The following SLC41A2 variants were observed in gnomAD, a reference collection of about 807,000 sequenced individuals.
SLC41A2 encodes the protein solute carrier family 41 member 2.
A neutral mutation model predicts 58.3 loss-of-function variants in SLC41A2; 32 were observed. The ratio of observed to expected loss-of-function variants is 0.55; its 90% CI spans 0.41 to 0.74. The LOEUF (loss-of-function observed/expected upper bound fraction) is 0.74. Among genes scored for constraint, SLC41A2 ranks in the 30% least tolerant of loss-of-function variants. SLC41A2 has a pLI of 0.00. For missense variants in SLC41A2, 514 were observed against 680.6 expected (o/e 0.76, Z 2.72); for synonymous variants, 190 against 235.0 (o/e 0.81, Z 1.75).
chr12:104,956,632 T>C (rs1593205709), intron 1 of SLC41A2, among the ~76,000 whole-genome samples: 1 of 152,114 alleles, frequency 6.6e-6, no homozygotes, highest in African/African-American at 2.4e-5. Context: ...TGAGCCAAGA[T>C]TGTGCCACTG....
intron 3 of SLC41A2, among the ~76,000 whole-genome samples, chr12:104,904,416 G>C (rs1361462625): frequency 3.3e-5 from 5 of 152,020 alleles, no homozygotes; most frequent in African/African-American, 4.8e-5. Flanking sequence ...AAAGCCTCTC[G>C]GATTGAGTTC....
chr12:104,819,092 G>A (rs1488381664), intron 10 of SLC41A2, among the ~76,000 whole-genome samples: 1 of 150,974 alleles, frequency 6.6e-6, no homozygotes, highest in Non-Finnish European at 1.5e-5. Flanking sequence ...TTTTTCAAAC[G>A]CATAGGTAAT....
chr12:104,827,292 C>T (rs1441453209), intron 10 of SLC41A2, among the ~76,000 whole-genome samples: 1 of 152,152 alleles, frequency 6.6e-6, no homozygotes, highest in African/African-American at 2.4e-5. Flanking sequence ...CTTTAGAGAA[C>T]CTCCTTAAAG....
chr12:104,934,986 T>A (rs1443119851), intron 1 of SLC41A2, among the ~76,000 whole-genome samples: 1 of 152,148 alleles, frequency 6.6e-6, no homozygotes, highest in Non-Finnish European at 1.5e-5. Flanking sequence ...AGATAGAGTT[T>A]CGTTCTTGTT....
chr12:104,952,756 C>T (rs2048003186), intron 1 of SLC41A2, among the ~76,000 whole-genome samples: 1 of 152,110 alleles, frequency 6.6e-6, no homozygotes, highest in Admixed American at 6.5e-5. Context: ...CTAGTAGGTG[C>T]CTGCAGTTAA....
chr12:104,807,995 A>C (rs1023644208), intron 10 of SLC41A2, among the ~76,000 whole-genome samples: 11 of 152,220 alleles, frequency 7.2e-5, no homozygotes, highest in African/African-American at 2.7e-4. Context: ...TAGATATACA[A>C]TCATGTCATC....
At chr12:104,908,236 G>A (rs2045935460) in intron 3 of SLC41A2, among the ~76,000 whole-genome samples, 1 of 152,210 alleles carries the variant, frequency 6.6e-6, no homozygotes, top group Non-Finnish European at 1.5e-5. Flanking sequence ...CTGTACTCCA[G>A]TCTGGGCAAC....
intron 2 of SLC41A2, among the ~76,000 whole-genome samples, chr12:104,916,511 G>A (rs1252543798): frequency 2.0e-5 from 3 of 152,084 alleles, no homozygotes; most frequent in Non-Finnish European, 2.9e-5. Context: ...AGCCCGCATC[G>A]CCAAGTCAAT....
At chr12:104,828,446 T>C (rs182873448) in intron 10 of SLC41A2, among the ~76,000 whole-genome samples, 1 of 152,042 alleles carries the variant, frequency 6.6e-6, no homozygotes. Context: ...AAGGCAGGAG[T>C]CTAACTGAGC....
intron 8 of SLC41A2, among the ~76,000 whole-genome samples, chr12:104,858,748 G>A (rs1034649020): frequency 1.3e-5 from 2 of 152,080 alleles, no homozygotes; most frequent in Non-Finnish European, 2.9e-5. Flanking sequence ...ATGAGCTCAA[G>A]CGATCCACCT....
At chr12:104,883,260 T>G (rs147195980) in intron 6 of SLC41A2, among the ~76,000 whole-genome samples, 2,919 of 152,330 alleles carry the variant, frequency 0.019, 32 homozygotes, top group African/African-American at 0.036. Context: ...TGCAATGGGT[T>G]TGAACATCCT....
At chr12:104,893,443 C>T (rs549132752) in intron 4 of SLC41A2, among the ~76,000 whole-genome samples, 9 of 152,082 alleles carry the variant, frequency 5.9e-5, no homozygotes, top group East Asian at 3.9e-4. Flanking sequence ...GGGAACAGTT[C>T]GGAAGTTCCT....
intron 5 of SLC41A2, among the ~76,000 whole-genome samples, chr12:104,887,848 AGTTTC>A (rs1237636848): frequency 6.6e-6 from 1 of 152,032 alleles, no homozygotes; most frequent in Non-Finnish European, 1.5e-5. Context: ...TATGGCTAAG[AGTTTC>A]TACTTTACAT....
chr12:104,946,231 A>C (rs1166262141), intron 1 of SLC41A2, among the ~76,000 whole-genome samples: 4 of 152,134 alleles, frequency 2.6e-5, no homozygotes, highest in Non-Finnish European at 5.9e-5. Context: ...AAATCCCATA[A>C]CTGGGTTTAC....
intron 8 of SLC41A2, among the ~76,000 whole-genome samples, chr12:104,847,733 A>G (rs1281066110): frequency 6.6e-6 from 1 of 152,214 alleles, no homozygotes; most frequent in Non-Finnish European, 1.5e-5. Flanking sequence ...TTGAGTACAC[A>G]TATAGTAAGT....
At chr12:104,876,143 T>A (rs539109666) in intron 6 of SLC41A2, among the ~76,000 whole-genome samples, 1 of 152,294 alleles carries the variant, frequency 6.6e-6, no homozygotes, top group South Asian at 2.1e-4. Flanking sequence ...TCTGATTTTT[T>A]AATTTCAGTC....
intron 1 of SLC41A2, among the ~76,000 whole-genome samples, chr12:104,950,501 C>T (rs1296093567): frequency 1.3e-5 from 2 of 152,142 alleles, no homozygotes; most frequent in Non-Finnish European, 2.9e-5. Context: ...AAACCTCTTT[C>T]CTTTATAAAT....
At chr12:104,871,809 G>C in intron 6 of SLC41A2, among the ~76,000 whole-genome samples, 1 of 152,136 alleles carries the variant, frequency 6.6e-6, no homozygotes, top group South Asian at 2.1e-4. Flanking sequence ...ACTATAGGGT[G>C]CTACAAAGAA....
intron 2 of SLC41A2, among the ~76,000 whole-genome samples, chr12:104,915,872 T>G (rs999837861): frequency 6.6e-6 from 1 of 152,094 alleles, no homozygotes; most frequent in African/African-American, 2.4e-5. Flanking sequence ...ATGCTTCCAG[T>G]TTTTGCCCAT....
Sources: allele counts gnomAD v4.1 joint callset (sites outside exome capture counted in the v4.1 genomes callset), GRCh38; gene constraint gnomAD v4.1.1; transcripts MANE v1.5; gene names NCBI Gene and HGNC (gene_info 2026-07-23, HGNC 2026-07-21).